ZKSCAN7: variants seen among roughly 807,000 people sequenced by gnomAD.
ZKSCAN7 encodes the protein zinc finger with KRAB and SCAN domains 7.
ZKSCAN7 carries 38 observed loss-of-function variants against 65.3 expected under a neutral mutation model. The observed-to-expected ratio is 0.58, with a 90% confidence interval of 0.45 to 0.76. The LOEUF is 0.76. Among genes scored for constraint, ZKSCAN7 ranks in the 30% least tolerant of loss-of-function variants. ZKSCAN7 has a pLI of 0.00. For synonymous variants in ZKSCAN7, 321 were observed against 321.0 expected (o/e 1.00, Z 0.00); for missense variants, 815 against 913.3 (o/e 0.89, Z 1.39).
Position 44,569,957 on chromosome 3 carries a change from C to T in ZKSCAN7, c.847C>T (p.Pro283Ser). ...ENMMKGSELT[P>S]KQEFFKGSES... ...CATGATGAAGGGTTCAGAGTTGACT[C>T]CAAAGCAGGAATTTTTTAAAGGATC... Residue 283 changes from proline (P) to serine (S), a missense_variant, in exon 6 of 6, where the codon CCA (proline) becomes TCA (serine). Transcript: ENST00000426540. The T allele has an allele frequency of 1.4e-5, 22 of 1,566,614 alleles. No homozygotes were observed. The highest frequency in any genetic ancestry group is 3.7e-5 in the South Asian group (3 of 81,556).
In ZKSCAN7 at chr3:44,555,432, C is replaced by G. The variant is rs1027748328; in HGVS notation, c.-168C>G. On this transcript the variant is annotated 5_prime_UTR_variant, in exon 1 of 6. Coordinates refer to ENST00000426540, the MANE Select transcript of ZKSCAN7 (RefSeq NM_001288590.2). ...TACCCCTGACCATTCGTGCGTGGCA[C>G]GGAGCCGGGTATCTGCGGGTACAGC... The G allele has an allele frequency of 6.6e-6, 1 of 152,310 alleles. No homozygotes were observed. The highest frequency in any genetic ancestry group is 1.5e-5 in the Non-Finnish European group (1 of 68,090). 9.4% of individuals were successfully genotyped at this position (152,310 alleles called of 1,614,324 possible).
downstream of ZKSCAN7, among the ~76,000 whole-genome samples, chr3:44,572,346 TTGTGTGTGTGTGTG>T (rs3080634): frequency 3.1e-3 from 448 of 143,758 alleles, 7 homozygotes; most frequent in South Asian, 0.049. Flanking sequence ...CGAATGGATT[TTGTGTGTGTGTGTG>T]TGTGTGTGTG....
rs563812886 is a variant in ZKSCAN7 at position 44,562,069 on chromosome 3, A to G, written c.424-3418A>G. On this transcript the variant is annotated intron_variant, in intron 2 of 5. Transcript: ENST00000426540. ...ACACTGCCTTAGTAGAGGTTTTTCC[A>G]TGACAGTTTTGCCCCTGCAGCAGAC... Among the ~76,000 whole-genome samples, 6 of 152,378 alleles carry G rather than the reference A, an allele frequency of 3.9e-5. No homozygotes were observed. The East Asian group carries it at 1.2e-3, about 29-fold the overall frequency.
rs576354030 is a variant in ZKSCAN7 at position 44,568,593 on chromosome 3, A to G, written c.811+160A>G. ...TTTCTGCATTCATCACTGAGATTCAACAGTGATCAGCATACTCTTCACCTC... is the reference window on the plus strand; with the variant it reads ...TTTCTGCATTCATCACTGAGATTCAGCAGTGATCAGCATACTCTTCACCTC... On this transcript the variant is annotated intron_variant, in intron 5 of 5. Transcript: ENST00000426540. 5.8e-6 allele frequency: 6 copies of G among 1,034,796 alleles called. No homozygotes were observed. In the African/African-American group the frequency reaches 6.5e-5, roughly 11 times the overall value. The allele number at this position is 1,034,796 out of a possible 1,614,324, so 64.1% of individuals were successfully genotyped here.
In ZKSCAN7 at chr3:44,580,841, T is replaced by G. The variant is rs1700058737; in HGVS notation, c.812-2131T>G. ...GCTGCCATTTCGGAGACCGGTGCAC[T>G]GAGTTGTCAAAGTCGGTCCCATCTG... On this transcript the variant is annotated intron_variant, in intron 5 of 5. Transcript: ENST00000341840. 3 of 1,613,510 alleles carry G rather than the reference T, an allele frequency of 1.9e-6. No homozygotes were observed. In the East Asian group the frequency reaches 6.7e-5, roughly 36 times the overall value.
At position 44,557,386 on chromosome 3, in the gene ZKSCAN7, G is replaced by T; in HGVS notation, c.339G>T (p.Trp113Cys). ...LSILPGELRT[W>C]VQLHHPESGE... ...TCCTCCCTGGGGAGCTCCGGACCTGGGTGCAGCTGCATCACCCTGAGAGTG... is the reference window on the plus strand; with the variant it reads ...TCCTCCCTGGGGAGCTCCGGACCTGTGTGCAGCTGCATCACCCTGAGAGTG... The change falls in exon 2 of 6, where the codon TGG (tryptophan) becomes TGT (cysteine). Residue 113 changes from tryptophan (W) to cysteine (C), a missense_variant. Trp to Cys is a radical substitution (Grantham distance 215). Transcript: ENST00000426540. 1 of 1,614,232 alleles carries T rather than the reference G, an allele frequency of 6.2e-7. No homozygotes were observed. Among genetic ancestry groups the T allele is most frequent in the Non-Finnish European group, 8.5e-7 (1 of 1,180,036 alleles).
At chr3:44,581,326 G>C (rs1437647697) in intron 5 of ZKSCAN7, among the ~76,000 whole-genome samples, 1 of 151,010 alleles carries the variant, frequency 6.6e-6, no homozygotes, top group African/African-American at 2.4e-5. Context: ...GGTCGCCGCC[G>C]TCCCGGCTCG....
Position 44,580,581 on chromosome 3 carries a change from G to C in ZKSCAN7, c.812-2391G>C. On this transcript the variant is annotated intron_variant, in intron 5 of 5. Coordinates refer to the ZKSCAN7 transcript ENST00000341840. ...CTTCTGATTCTGCTTGTTGGTCCGG[G>C]GATAGACCATGAGCATCTCCAGCCA... 2.5e-6 allele frequency: 4 copies of C among 1,613,830 alleles called. No homozygotes were observed. The South Asian group carries it at 4.4e-5, about 18-fold the overall frequency.
intron 3 of ZKSCAN7, among the ~76,000 whole-genome samples, chr3:44,566,064 A>G (rs552525410): frequency 6.6e-6 from 1 of 152,326 alleles, no homozygotes; most frequent in Admixed American, 6.5e-5. Context: ...ATCACTGGGT[A>G]AAAAGCAAGA....
In ZKSCAN7 at chr3:44,571,485, A is replaced by G. The variant is rs927574410; in HGVS notation, c.*110A>G. Reference sequence around the variant, plus strand: ...CAGTAGTCACGGTGGACCATTCCCTACTTGCTTTTCCTTGGATCACTAAGG... The same window carrying G: ...CAGTAGTCACGGTGGACCATTCCCTGCTTGCTTTTCCTTGGATCACTAAGG... On this transcript the variant is annotated 3_prime_UTR_variant, in exon 6 of 6. Coordinates refer to ENST00000426540, the MANE Select transcript of ZKSCAN7 (RefSeq NM_001288590.2). 7.5e-6 allele frequency: 12 copies of G among 1,589,932 alleles called. No individual in the cohort carries two copies. Among genetic ancestry groups the G allele is most frequent in the Non-Finnish European group, 8.5e-6 (10 of 1,173,540 alleles).
At chr3:44,579,948 G>A in intron 5 of ZKSCAN7, 1 of 1,555,352 alleles carries the variant, frequency 6.4e-7, no homozygotes, top group South Asian at 1.1e-5. Context: ...GGAGACGGGG[G>A]AAGCCGAGGC....
intron 2 of ZKSCAN7, among the ~76,000 whole-genome samples, chr3:44,561,718 C>T (rs941522616): frequency 6.6e-5 from 10 of 152,172 alleles, no homozygotes; most frequent in African/African-American, 1.9e-4. Flanking sequence ...CCATGCAAGT[C>T]CAAAACCAAG....
rs777436633 is a variant in ZKSCAN7 at position 44,569,967 on chromosome 3, A to G, written c.857A>G (p.Glu286Gly). Residue 286 changes from glutamate (E) to glycine (G), a missense_variant, in exon 6 of 6, where the codon GAA becomes GGA. Physicochemically the swap from Glu to Gly is moderately conservative, Grantham distance 98. Around this residue, in one of 3 missense-constraint regions of ZKSCAN7, gnomAD observed 578 missense variants for 629.5 expected, o/e 0.92. Coordinates refer to ENST00000426540, the MANE Select transcript of ZKSCAN7 (RefSeq NM_001288590.2). ...GGTTCAGAGTTGACTCCAAAGCAGG[A>G]ATTTTTTAAAGGATCAGAGTCATCT... is the stretch of plus-strand genomic sequence containing the variant. Reference protein sequence around the residue: ...MKGSELTPKQEFFKGSESSNR... With the variant: ...MKGSELTPKQGFFKGSESSNR... 2.5e-6 allele frequency: 4 copies of G among 1,573,456 alleles called. No homozygotes were observed. The South Asian group carries it at 4.8e-5, about 19-fold the overall frequency.
At chr3:44,580,814 T>C in intron 5 of ZKSCAN7, 1 of 1,613,104 alleles carries the variant, frequency 6.2e-7, no homozygotes, top group Non-Finnish European at 8.5e-7. Flanking sequence ...TGAAGAACTG[T>C]CGCTGCCATT....
chr3:44,559,092 A>G (rs562735011), intron 2 of ZKSCAN7, among the ~76,000 whole-genome samples: 19 of 151,952 alleles, frequency 1.3e-4, no homozygotes, highest in African/African-American at 4.6e-4. Flanking sequence ...TTTCTTCTTC[A>G]TGGAACTTTT....
At chr3:44,572,346 T>TTGTG (rs3080634), downstream of ZKSCAN7, among the ~76,000 whole-genome samples, 1,163 of 143,712 alleles carry the variant, frequency 8.1e-3, 8 homozygotes, top group African/African-American at 0.021. Flanking sequence ...CGAATGGATT[T>TTGTG]TGTGTGTGTG....
rs932461077 is a variant in ZKSCAN7, at chr3:44,567,180, AG to A, written c.593-731del. 3.5e-3 allele frequency among the ~76,000 whole-genome samples: 141 copies of A among 39,824 alleles called. 1 individual carries two copies. Among genetic ancestry groups the A allele is most frequent in the African/African-American group, 0.012 (139 of 11,754 alleles). The allele number at this position is 39,824 out of a possible 152,430, so 26.1% of individuals were successfully genotyped here. A position where few individuals can be genotyped will look rare whatever the true frequency, so the allele number is the denominator to read the frequency against. Reference sequence around the variant, plus strand: ...AAAGAAAAAGAGAAGAGAAAAGAAAAGAGAGAAAAGAAAGAGAGGGAGGGAG... The same window carrying A: ...AAAGAAAAAGAGAAGAGAAAAGAAAAAGAGAAAAGAAAGAGAGGGAGGGAG... On this transcript the variant is annotated intron_variant, in intron 3 of 5. Transcript: ENST00000426540.
chr3:44,565,073 G>A (rs1409766908), intron 2 of ZKSCAN7, among the ~76,000 whole-genome samples: 1 of 152,134 alleles, frequency 6.6e-6, no homozygotes, highest in African/African-American at 2.4e-5. Context: ...AAAGTGCTGG[G>A]ATTACAGATG....
Position 44,571,926 on chromosome 3 carries a change from C to A in ZKSCAN7, c.*551C>A, listed in dbSNP as rs1699817704. 1.0e-6 allele frequency: 1 copy of A among 986,398 alleles called. No homozygotes were observed. Among genetic ancestry groups the A allele is most frequent in the Admixed American group, 6.1e-5 (1 of 16,518 alleles). 61.1% of individuals were successfully genotyped at this position (986,398 alleles called of 1,614,324 possible). A position where few individuals can be genotyped will look rare whatever the true frequency, so the allele number is the denominator to read the frequency against. On this transcript the variant is annotated 3_prime_UTR_variant, in exon 6 of 6. Transcript: ENST00000426540. ...ATCCATCTCATCACTGAAATACTTTCTTCTTCAAGTACTTTTTTATTTTTC... is the reference window on the plus strand; with the variant it reads ...ATCCATCTCATCACTGAAATACTTTATTCTTCAAGTACTTTTTTATTTTTC...
Sources: gnomAD v4.1 joint callset for allele counts (sites outside exome capture counted in the v4.1 genomes callset) on GRCh38, gnomAD v4.1.1 for gene constraint, gnomAD v4.1.1 regional missense constraint, MANE v1.5 for transcripts, NCBI Gene and HGNC (gene_info 2026-07-23, HGNC 2026-07-21) for gene names.